NAT8L: variants seen among roughly 807,000 people sequenced by gnomAD.
NAT8L encodes the protein N-acetylaspartate synthetase.
In NAT8L, 6 loss-of-function variants were observed where a neutral mutation model predicts 21.2. The ratio of observed to expected loss-of-function variants is 0.28; its 90% CI spans 0.16 to 0.56. The LOEUF is 0.56. NAT8L is among the 20% of genes least tolerant of loss of function. The pLI, the probability that NAT8L is intolerant of heterozygous loss-of-function variation, is 0.93. For missense variants in NAT8L, 331 were observed against 433.3 expected (o/e 0.76, Z 2.10); for synonymous variants, 239 against 204.9 (o/e 1.17, Z -1.42).
At position 2,064,173 on chromosome 4, in the gene NAT8L, TTGCCCGCC is replaced by T. The variant is rs1251397542; in HGVS notation, c.*55_*62del. On this transcript the variant is annotated 3_prime_UTR_variant, in exon 3 of 3. Coordinates refer to ENST00000423729, the MANE Select transcript of NAT8L (RefSeq NM_178557.4). The stretch of plus-strand genomic sequence containing the variant: ...GCCCCCCCGGCCGCCCTGTCCGCCT[TTGCCCGCC>T]TGCCCGCCGCCCGGCGCGGCCTGCT... 1 of 1,257,836 alleles carries T rather than the reference TTGCCCGCC, an allele frequency of 8.0e-7. No homozygotes were observed. 77.9% of individuals were successfully genotyped at this position (1,257,836 alleles called of 1,614,324 possible).
chr4:2,063,632 G>T lies in NAT8L; in HGVS notation c.542-128G>T, dbSNP rs745794988. ...AGGCCCCGGGGGCTGCCGGGATTGG[G>T]TGTCCCACTGCCCTGGCTTGGTGTC... On this transcript the variant is annotated intron_variant, in intron 2 of 2. Coordinates refer to ENST00000423729, the MANE Select transcript of NAT8L (RefSeq NM_178557.4). 5.2e-4 allele frequency: 799 copies of T among 1,549,316 alleles called. 6 individuals are homozygous for T. Among genetic ancestry groups the T allele is most frequent in the Middle Eastern group, 2.3e-4 (1 of 4,346 alleles).
At position 2,064,173 on chromosome 4, in the gene NAT8L, T is replaced by TTGCCCGCC. The variant is rs1251397542; in HGVS notation, c.*55_*62dup. 1 of 1,257,728 alleles carries TTGCCCGCC rather than the reference T, an allele frequency of 8.0e-7. No homozygotes were observed. Among genetic ancestry groups the TTGCCCGCC allele is most frequent in the Non-Finnish European group, 1.0e-6 (1 of 998,534 alleles). The allele number at this position is 1,257,728 out of a possible 1,614,324, so 77.9% of individuals were successfully genotyped here. ...GCCCCCCCGGCCGCCCTGTCCGCCTTTGCCCGCCTGCCCGCCGCCCGGCGC... is the reference window on the plus strand; with the variant it reads ...GCCCCCCCGGCCGCCCTGTCCGCCTTTGCCCGCCTGCCCGCCTGCCCGCCGCCCGGCGC... On this transcript the variant is annotated 3_prime_UTR_variant, in exon 3 of 3. Transcript: ENST00000423729.
rs1350052770 is a variant in NAT8L at position 2,066,854 on chromosome 4, C to T, written c.*2727C>T. 1 of 152,614 alleles carries T rather than the reference C, an allele frequency of 6.6e-6. No individual in the cohort carries two copies. The highest frequency in any genetic ancestry group is 1.5e-5 in the Non-Finnish European group (1 of 68,404). The allele number at this position is 152,614 out of a possible 1,614,324, so 9.5% of individuals were successfully genotyped here. ...CCTGGGATTTCTGTGTGTTTGGAAG[C>T]CTCTGTTTTTGGAGTGGGGGGCGTG... On this transcript the variant is annotated 3_prime_UTR_variant, in exon 3 of 3. Transcript: ENST00000423729.
At position 2,061,029 on chromosome 4, in the gene NAT8L, G is replaced by T. The variant is rs989469889; in HGVS notation, c.408G>T (p.Leu136=). The change falls in exon 2 of 3, where the codon CTG becomes CTT. Residue 136 remains leucine (L), a synonymous_variant. Coordinates refer to ENST00000423729, the MANE Select transcript of NAT8L (RefSeq NM_178557.4). ...GCTTCGCCGTGAGCCGCTCGCTGCT[G>T]CTGACGTGCCTGGTGCCGGCCGCGC... ...ALCFAVSRSL[L]LTCLVPAALL... 6.3e-7 allele frequency: 1 copy of T among 1,578,460 alleles called. No homozygotes were observed. Among genetic ancestry groups the T allele is most frequent in the Admixed American group, 1.8e-5 (1 of 55,002 alleles).
chr4:2,067,891 C>G lies in NAT8L; in HGVS notation c.*3764C>G, dbSNP rs1195218222. The G allele has an allele frequency of 6.6e-6, 1 of 152,272 alleles. No individual in the cohort carries two copies. The highest frequency in any genetic ancestry group is 1.5e-5 in the Non-Finnish European group (1 of 68,076). 9.4% of individuals were successfully genotyped at this position (152,272 alleles called of 1,614,324 possible). Reference sequence around the variant, plus strand: ...AGGCCTGTGTTCCTGGGCTGATGGCCACAGAGCTGACACTTGGGGTTTGAG... The same window carrying G: ...AGGCCTGTGTTCCTGGGCTGATGGCGACAGAGCTGACACTTGGGGTTTGAG... On this transcript the variant is annotated 3_prime_UTR_variant, in exon 3 of 3. Transcript: ENST00000423729.
At position 2,059,765 on chromosome 4, in the gene NAT8L, C is replaced by T. The variant is rs1313427641; in HGVS notation, c.254C>T (p.Ala85Val). The T allele has an allele frequency of 3.0e-6, 4 of 1,326,840 alleles. No individual in the cohort carries two copies. In the South Asian group the frequency reaches 6.1e-5, roughly 20 times the overall value. 82.2% of individuals were successfully genotyped at this position (1,326,840 alleles called of 1,614,324 possible). A position where few individuals can be genotyped will look rare whatever the true frequency, so the allele number is the denominator to read the frequency against. Reference sequence around the variant, plus strand: ...GGCGTGTGCATCCGCGAGTTCCGTGCGGCCGAGCAGGAGGCGGCGCGCCGC... The same window carrying T: ...GGCGTGTGCATCCGCGAGTTCCGTGTGGCCGAGCAGGAGGCGGCGCGCCGC... Reference protein sequence around the residue: ...GRGVCIREFRAAEQEAARRIF... With the variant: ...GRGVCIREFRVAEQEAARRIF... The change falls in exon 1 of 3, where the codon GCG becomes GTG. Residue 85 changes from alanine (A) to valine (V), a missense_variant. Coordinates refer to ENST00000423729, the MANE Select transcript of NAT8L (RefSeq NM_178557.4). The surrounding 1 kb of genome is among the most constrained non-coding windows in gnomAD (Gnocchi z 4.8).
Position 2,059,880 on chromosome 4 carries a change from G to C in NAT8L, c.369G>C (p.Leu123=), listed in dbSNP as rs1382423267. The C allele has an allele frequency of 2.2e-6, 3 of 1,335,514 alleles. No individual in the cohort carries two copies. The highest frequency in any genetic ancestry group is 1.9e-6 in the Non-Finnish European group (2 of 1,030,862). 82.7% of individuals were successfully genotyped at this position (1,335,514 alleles called of 1,614,324 possible). The part of the protein sequence containing the change: ...QHPRAQLLYA[L]LAALCFAVSR... ...CGCGCGCGCAGCTGCTCTACGCCCT[G>C]CTGGCGGGTCAGTGCGCCGGGCCCC... is the stretch of plus-strand genomic sequence containing the variant. Residue 123 remains leucine (L), a synonymous_variant, in exon 1 of 3, where the codon CTG becomes CTC. Transcript: ENST00000423729. This position sits in a 1 kb window ranked among gnomAD's most constrained non-coding sequence, Gnocchi z 4.8.
In NAT8L at chr4:2,061,097, C is replaced by T; in HGVS notation, c.476C>T (p.Ala159Val). 1 of 1,611,332 alleles carries T rather than the reference C, an allele frequency of 6.2e-7. No homozygotes were observed. ...TACTACAGCCGCAAGGTGATCCGCG[C>T]CTACCTGGAGTGCGCGCTGCACACG... The part of the protein sequence containing the change: ...RYYYSRKVIR[A>V]YLECALHTDM... Residue 159 changes from alanine to valine, a missense_variant, in exon 2 of 3, where the codon GCC becomes GTC. Ala to Val is a moderately conservative substitution (Grantham distance 64). Transcript: ENST00000423729.
At position 2,065,831 on chromosome 4, in the gene NAT8L, C is replaced by T. The variant is rs929062895; in HGVS notation, c.*1704C>T. On this transcript the variant is annotated 3_prime_UTR_variant, in exon 3 of 3. Coordinates refer to ENST00000423729, the MANE Select transcript of NAT8L (RefSeq NM_178557.4). ...GGAGTTTTGTAGACTGTACAGAAAT[C>T]GGCACCCTATTTTCTTGCAGCTCAG... 13 of 152,614 alleles carry T rather than the reference C, an allele frequency of 8.5e-5. No homozygotes were observed. The highest frequency in any genetic ancestry group is 2.1e-4 in the South Asian group (1 of 4,826). The allele number at this position is 152,614 out of a possible 1,614,324, so 9.5% of individuals were successfully genotyped here. A position where few individuals can be genotyped will look rare whatever the true frequency, so the allele number is the denominator to read the frequency against.
In NAT8L at chr4:2,063,823, A is replaced by G; in HGVS notation, c.605A>G (p.His202Arg). The change falls in exon 3 of 3, where the codon CAC becomes CGC. Residue 202 changes from histidine (H) to arginine (R), a missense_variant. This residue lies in a region of NAT8L where 132 missense variants were observed against 237.1 expected (regional missense o/e 0.56). Transcript: ENST00000423729. ...GTGGGCATTGTGGCTGCACGGGCCCACGAGGAGGACAACACGGTGGAGCTG... is the reference window on the plus strand; with the variant it reads ...GTGGGCATTGTGGCTGCACGGGCCCGCGAGGAGGACAACACGGTGGAGCTG... ...NVVGIVAARA[H>R]EEDNTVELLR... 1 of 1,612,396 alleles carries G rather than the reference A, an allele frequency of 6.2e-7. No individual in the cohort carries two copies. The highest frequency in any genetic ancestry group is 8.5e-7 in the Non-Finnish European group (1 of 1,179,962).
At position 2,066,967 on chromosome 4, in the gene NAT8L, G is replaced by A. The variant is rs1730017437; in HGVS notation, c.*2840G>A. ...GACGAGCACTGCAGGCCTGACGAGA[G>A]GCTCCGGGCAGCTGAGGGCTGAAGC... On this transcript the variant is annotated 3_prime_UTR_variant, in exon 3 of 3. Transcript: ENST00000423729. 6.6e-6 allele frequency: 1 copy of A among 152,310 alleles called. No homozygotes were observed. Among genetic ancestry groups the A allele is most frequent in the Admixed American group, 6.5e-5 (1 of 15,294 alleles). 9.4% of individuals were successfully genotyped at this position (152,310 alleles called of 1,614,324 possible). A position where few individuals can be genotyped will look rare whatever the true frequency, so the allele number is the denominator to read the frequency against.
In NAT8L at chr4:2,069,010, G is replaced by A. The variant is rs947107415; in HGVS notation, c.*4883G>A. 6.6e-6 allele frequency: 1 copy of A among 152,134 alleles called. No individual in the cohort carries two copies. The highest frequency in any genetic ancestry group is 2.4e-5 in the African/African-American group (1 of 41,412). 9.4% of individuals were successfully genotyped at this position (152,134 alleles called of 1,614,324 possible). A position where few individuals can be genotyped will look rare whatever the true frequency, so the allele number is the denominator to read the frequency against. ...GCGAGTTCTGAGGAGAGGGGCTGCG[G>A]GGGCCGGGGGTGGGTGTGTGCCCCT... On this transcript the variant is annotated 3_prime_UTR_variant, in exon 3 of 3. Coordinates refer to ENST00000423729, the MANE Select transcript of NAT8L (RefSeq NM_178557.4).
Position 2,064,273 on chromosome 4 carries a change from T to C in NAT8L, c.*146T>C. ...CAACATCCTGCGGTTGTCTGGCTGG[T>C]TCCGGGGGGTGCGGGGCTGTTGTTC... On this transcript the variant is annotated 3_prime_UTR_variant, in exon 3 of 3. Transcript: ENST00000423729. 2.2e-6 allele frequency: 1 copy of C among 456,322 alleles called. No homozygotes were observed. Among genetic ancestry groups the C allele is most frequent in the South Asian group, 7.3e-5 (1 of 13,614 alleles). 28.3% of individuals were successfully genotyped at this position (456,322 alleles called of 1,614,324 possible).
rs1729824080 is a variant in NAT8L, at chr4:2,060,105, C to G, written c.376+218C>G. ...AGCCGGGGAGGGTCCGGGGTCCGCA[C>G]CTGCGTCCCCGCCGCGCAGCCCCCC... On this transcript the variant is annotated intron_variant, in intron 1 of 2. Coordinates refer to ENST00000423729, the MANE Select transcript of NAT8L (RefSeq NM_178557.4). The surrounding 1 kb of genome is among the most constrained non-coding windows in gnomAD (Gnocchi z 4.7). 6.6e-6 allele frequency among the ~76,000 whole-genome samples: 1 copy of G among 151,926 alleles called. No individual in the cohort carries two copies.
intron 2 of NAT8L, 88 bp downstream of exon 2, chr4:2,061,250 G>A (rs1372724812): frequency 1.9e-6 from 3 of 1,566,908 alleles, no homozygotes; most frequent in Non-Finnish European, 2.6e-6. Context: ...AGGCCTGGGC[G>A]AGGGCCGGCG....
rs1293873543 is a variant in NAT8L at position 2,060,614 on chromosome 4, AC to A, written c.377-378del. 6.7e-6 allele frequency among the ~76,000 whole-genome samples: 1 copy of A among 148,596 alleles called. No individual in the cohort carries two copies. Among genetic ancestry groups the A allele is most frequent in the Non-Finnish European group, 1.5e-5 (1 of 67,104 alleles). On this transcript the variant is annotated intron_variant, in intron 1 of 2. Coordinates refer to ENST00000423729, the MANE Select transcript of NAT8L (RefSeq NM_178557.4). The surrounding 1 kb of genome is among the most constrained non-coding windows in gnomAD (Gnocchi z 4.7). ...GGAGCCCGAGGCTGGAACGTGGGAC[AC>A]CCCCCTTCCTCCTCCCCCCTCCCCC...
chr4:2,059,919 C>G lies in NAT8L; in HGVS notation c.376+32C>G, dbSNP rs1334373604. The G allele has an allele frequency of 1.1e-5, 13 of 1,179,412 alleles. No individual in the cohort carries two copies. Among genetic ancestry groups the G allele is most frequent in the Non-Finnish European group, 1.4e-5 (13 of 949,516 alleles). 73.1% of individuals were successfully genotyped at this position (1,179,412 alleles called of 1,614,324 possible). On this transcript the variant is annotated intron_variant, in intron 1 of 2. Transcript: ENST00000423729. This position sits in a 1 kb window ranked among gnomAD's most constrained non-coding sequence, Gnocchi z 4.8. ...GCGCCGGGCCCCCGGCTGCCGCAGT[C>G]CCTCGGGCCGGCGCGGAGCTCCCCC...
At chr4:2,061,328 G>A (rs1044747216) in intron 2 of NAT8L, among the ~76,000 whole-genome samples, 166 bp downstream of exon 2, 2 of 152,240 alleles carry the variant, frequency 1.3e-5, no homozygotes, top group African/African-American at 4.8e-5. Context: ...CGGTGTCAGC[G>A]GGGCTGGGGG....
chr4:2,059,394 C>A lies in NAT8L; in HGVS notation c.-118C>A. On this transcript the variant is annotated 5_prime_UTR_variant, in exon 1 of 3. Transcript: ENST00000423729. This position sits in a 1 kb window ranked among gnomAD's most constrained non-coding sequence, Gnocchi z 4.8. ...CCTGAGCTGCCGCCGCCGCCGCCGCCGCTGCCGCCGCCGCCGCCGCCGCCG... is the reference window on the plus strand; with the variant it reads ...CCTGAGCTGCCGCCGCCGCCGCCGCAGCTGCCGCCGCCGCCGCCGCCGCCG... 1 of 232,098 alleles carries A rather than the reference C, an allele frequency of 4.3e-6. No individual in the cohort carries two copies. The highest frequency in any genetic ancestry group is 1.5e-4 in the South Asian group (1 of 6,876). 14.4% of individuals were successfully genotyped at this position (232,098 alleles called of 1,614,324 possible).
Sources: allele counts gnomAD v4.1 joint callset (sites outside exome capture counted in the v4.1 genomes callset), GRCh38; gene constraint gnomAD v4.1.1; regional missense constraint gnomAD v4.1.1; non-coding constraint Gnocchi (gnomAD v3.1); transcripts MANE v1.5; gene names NCBI Gene and HGNC (gene_info 2026-07-23, HGNC 2026-07-21).